The following CTNND2 variants were observed in gnomAD, a reference collection of about 807,000 sequenced individuals.
The protein encoded by CTNND2 is catenin delta 2, also known as catenin delta-2.
A neutral mutation model predicts 144.4 loss-of-function variants in CTNND2; 22 were observed. The ratio of observed to expected loss-of-function variants is 0.15; its 90% confidence interval spans 0.11 to 0.22. The LOEUF (loss-of-function observed/expected upper bound fraction) is 0.22, where lower values mean the gene tolerates loss of function less well. CTNND2 is among the 10% of genes least tolerant of loss of function. CTNND2 has a pLI of 1.00. For synonymous variants in CTNND2, 751 were observed against 695.6 expected, an observed-to-expected ratio of 1.08 and a Z score of -1.25; for missense variants, 1,353 against 1,618.8, an observed-to-expected ratio of 0.84 and a Z score of 2.82.
chr5:11,129,943 TTCTC>T (rs1302970268), intron 12 of CTNND2, among the ~76,000 whole-genome samples: 1 of 152,156 alleles, frequency 6.6e-6, no homozygotes, highest in Non-Finnish European at 1.5e-5. Flanking sequence ...AGCTCTTGAC[TTCTC>T]TCTCTCCATA....
chr5:11,568,872 A>G (rs1777335693), intron 2 of CTNND2, among the ~76,000 whole-genome samples: 1 of 152,224 alleles, frequency 6.6e-6, no homozygotes, highest in African/African-American at 2.4e-5. Context: ...GTATACAAGA[A>G]GTTAACTGGA....
At chr5:11,620,356 G>C (rs899478045) in intron 2 of CTNND2, among the ~76,000 whole-genome samples, 8 of 151,920 alleles carry the variant, frequency 5.3e-5, no homozygotes, top group Non-Finnish European at 1.2e-4. Context: ...TCACATTCAG[G>C]ACCAATATTC....
At chr5:11,350,435 T>C (rs916076849) in intron 8 of CTNND2, among the ~76,000 whole-genome samples, 1 of 152,024 alleles carries the variant, frequency 6.6e-6, no homozygotes, top group African/African-American at 2.4e-5. Context: ...ATATCACTAC[T>C]ATGAAAAGAG....
intron 11 of CTNND2, among the ~76,000 whole-genome samples, chr5:11,197,639 C>T (rs891703309): frequency 5.3e-5 from 8 of 152,150 alleles, no homozygotes; most frequent in African/African-American, 1.2e-4. Context: ...CACACGTGAA[C>T]GGCCGACACC....
At chr5:11,678,112 T>C (rs1329990609) in intron 2 of CTNND2, among the ~76,000 whole-genome samples, 1 of 152,116 alleles carries the variant, frequency 6.6e-6, no homozygotes, top group Non-Finnish European at 1.5e-5. Flanking sequence ...CAGTTAAACA[T>C]TACTTGGCAT....
chr5:11,499,721 T>G (rs31866), intron 3 of CTNND2, among the ~76,000 whole-genome samples: 4,194 of 152,268 alleles, frequency 0.028, 143 homozygotes, highest in African/African-American at 0.091. Context: ...TTCTCTTGTC[T>G]CAAAGTTTTT....
intron 9 of CTNND2, among the ~76,000 whole-genome samples, chr5:11,270,165 G>A (rs1745849080): frequency 2.0e-5 from 3 of 152,084 alleles, no homozygotes; most frequent in Admixed American, 2.0e-4. Flanking sequence ...CTTCCCCAAA[G>A]TGGGGCTGTT....
chr5:11,097,389 G>A (rs759291031), intron 15 of CTNND2, among the ~76,000 whole-genome samples: 20 of 152,164 alleles, frequency 1.3e-4, no homozygotes, highest in Non-Finnish European at 5.9e-5. Context: ...CTCTAGGGCT[G>A]TCTATGGGCA....
intron 3 of CTNND2, among the ~76,000 whole-genome samples, chr5:11,495,340 G>C (rs1412251553): frequency 6.6e-6 from 1 of 152,108 alleles, no homozygotes; most frequent in African/African-American, 2.4e-5. Context: ...ATATTTAGTA[G>C]CATTGCTGAT....
chr5:11,535,071 C>T (rs565773800), intron 3 of CTNND2, among the ~76,000 whole-genome samples: 1 of 151,962 alleles, frequency 6.6e-6, no homozygotes, highest in East Asian at 1.9e-4. Flanking sequence ...GCCTGTAATC[C>T]CACCTACTTG....
chr5:11,001,722 C>T (rs546879227), intron 18 of CTNND2, among the ~76,000 whole-genome samples: 2 of 152,236 alleles, frequency 1.3e-5, no homozygotes, highest in Admixed American at 6.5e-5. Flanking sequence ...ATGACATACT[C>T]GCAACTGTGC....
chr5:11,823,859 T>C (rs1226234038), intron 1 of CTNND2, among the ~76,000 whole-genome samples: 1 of 151,958 alleles, frequency 6.6e-6, no homozygotes, highest in Non-Finnish European at 1.5e-5. Context: ...TATAATCCCA[T>C]TACTTTGGGA....
chr5:11,696,275 CAT>C (rs201102986), intron 2 of CTNND2, among the ~76,000 whole-genome samples: 1,827 of 147,896 alleles, frequency 0.012, 34 homozygotes, highest in African/African-American at 0.047. Flanking sequence ...CTAATTTTCA[CAT>C]GTCATGAAAT....
At chr5:11,486,588 C>T (rs555173117) in intron 3 of CTNND2, among the ~76,000 whole-genome samples, 5 of 151,122 alleles carry the variant, frequency 3.3e-5, no homozygotes, top group Non-Finnish European at 7.4e-5. Context: ...GAGGGAGAGA[C>T]AGGGGAAGGA....
intron 7 of CTNND2, among the ~76,000 whole-genome samples, chr5:11,368,981 A>G (rs1757221113): frequency 1.3e-5 from 2 of 152,244 alleles, no homozygotes; most frequent in Admixed American, 6.5e-5. Context: ...ATGTCACCTC[A>G]TGCAAATATA....
intron 2 of CTNND2, among the ~76,000 whole-genome samples, chr5:11,643,276 A>G (rs2727614): frequency 0.11 from 15,936 of 151,754 alleles, 1,707 homozygotes; most frequent in African/African-American, 0.27. Flanking sequence ...GGGTACATGT[A>G]CATAATGTGC....
intron 7 of CTNND2, among the ~76,000 whole-genome samples, chr5:11,378,233 T>C (rs1048227485): frequency 2.0e-5 from 3 of 152,168 alleles, no homozygotes; most frequent in Non-Finnish European, 2.9e-5. Context: ...CACAATGCAC[T>C]ATGCAGAAGA....
At chr5:11,898,597 A>G (rs1737596424) in intron 1 of CTNND2, among the ~76,000 whole-genome samples, 1 of 152,184 alleles carries the variant, frequency 6.6e-6, no homozygotes. Flanking sequence ...TAAAGTAAAC[A>G]TCCTATTTAG....
At chr5:11,786,322 CTTCT>C (rs1790828620) in intron 1 of CTNND2, among the ~76,000 whole-genome samples, 1 of 152,190 alleles carries the variant, frequency 6.6e-6, no homozygotes, top group African/African-American at 2.4e-5. Flanking sequence ...TTCCTGGAGA[CTTCT>C]TTCTGTTACT....
Sources: allele counts gnomAD v4.1 joint callset (sites outside exome capture counted in the v4.1 genomes callset), GRCh38; gene constraint gnomAD v4.1.1; transcripts MANE v1.5; gene names NCBI Gene and HGNC (gene_info 2026-07-23, HGNC 2026-07-21).